The following GATAD2B variants were observed in gnomAD, a reference collection of about 807,000 sequenced individuals.
GATAD2B encodes the protein GATA zinc finger domain containing 2B, also known as transcriptional repressor p66-beta.
Under a neutral mutation model 64.3 loss-of-function variants are expected in GATAD2B, and 8 were observed. That is an observed-to-expected ratio of 0.12 (90% CI 0.07 to 0.22). The LOEUF is 0.22. Ranked by LOEUF, GATAD2B falls within the 10% of genes least tolerant of loss-of-function variation. The pLI, the probability that GATAD2B is intolerant of heterozygous loss-of-function variation, is 1.00. For missense variants in GATAD2B, 453 were observed against 752.0 expected, an observed-to-expected ratio of 0.60 and a Z score of 4.65; for synonymous variants, 281 against 271.3, an observed-to-expected ratio of 1.04 and a Z score of -0.35.
chr1:153,869,909 T>C (rs1676605908), intron 1 of GATAD2B, among the ~76,000 whole-genome samples: 1 of 152,080 alleles, frequency 6.6e-6, no homozygotes, highest in Admixed American at 6.6e-5. Context: ...GCAGATGCCT[T>C]GAGCCCAGGA....
In GATAD2B at chr1:153,805,127, T is replaced by G. The variant is rs1674073718; in HGVS notation, c.*5050A>C. 8.1e-6 allele frequency: 1 copy of G among 123,056 alleles called. No individual in the cohort carries two copies. Among genetic ancestry groups the G allele is most frequent in the Middle Eastern group, 4.2e-3 (1 of 238 alleles). The allele number at this position is 123,056 out of a possible 1,614,324, so 7.6% of individuals were successfully genotyped here. ...TTCACCAGGGCTTCACCCATCACCC[T>G]GTACCCTCTCCAGGCTTTATCAGCC... On this transcript the variant is annotated 3_prime_UTR_variant, in exon 11 of 11. Coordinates refer to ENST00000368655, the MANE Select transcript of GATAD2B (RefSeq NM_020699.4).
At chr1:153,860,769 T>C (rs1003054788) in intron 1 of GATAD2B, among the ~76,000 whole-genome samples, 6 of 152,162 alleles carry the variant, frequency 3.9e-5, no homozygotes, top group Non-Finnish European at 8.8e-5. Flanking sequence ...CAAGTGATCC[T>C]CTGGACTCAG....
chr1:153,856,948 G>A (rs1455843273), intron 1 of GATAD2B, among the ~76,000 whole-genome samples: 1 of 151,856 alleles, frequency 6.6e-6, no homozygotes, highest in Non-Finnish European at 1.5e-5. Context: ...CTTTTTGCAT[G>A]CAGATGATAG....
chr1:153,874,140 T>C (rs538350200), intron 1 of GATAD2B, among the ~76,000 whole-genome samples: 3 of 151,846 alleles, frequency 2.0e-5, no homozygotes, highest in Non-Finnish European at 2.9e-5. Flanking sequence ...CGTGTGCCTG[T>C]AGTCCCAGCT....
At chr1:153,869,533 C>A (rs1372298594) in intron 1 of GATAD2B, among the ~76,000 whole-genome samples, 3 of 152,094 alleles carry the variant, frequency 2.0e-5, no homozygotes, top group Non-Finnish European at 4.4e-5. Context: ...CTCCTTCAAG[C>A]TGGTTCTCTA....
intron 1 of GATAD2B, among the ~76,000 whole-genome samples, chr1:153,848,741 CAGG>C (rs990818349): frequency 2.6e-5 from 4 of 152,076 alleles, no homozygotes; most frequent in African/African-American, 9.7e-5. Flanking sequence ...ATCATGAGGT[CAGG>C]AGTTCAAGAA....
intron 1 of GATAD2B, among the ~76,000 whole-genome samples, chr1:153,857,929 C>T (rs1180675421): frequency 6.6e-6 from 1 of 152,166 alleles, no homozygotes; most frequent in Non-Finnish European, 1.5e-5. Flanking sequence ...TGAAATCATT[C>T]AGTTTTGAAG....
At chr1:153,890,145 C>T (rs1677326248) in intron 1 of GATAD2B, among the ~76,000 whole-genome samples, 1 of 144,790 alleles carries the variant, frequency 6.9e-6, no homozygotes, top group African/African-American at 2.6e-5. Context: ...GCACTCCAGC[C>T]TGGGCAACAA....
chr1:153,828,960 C>T (rs1355451167), intron 1 of GATAD2B, among the ~76,000 whole-genome samples: 2 of 152,150 alleles, frequency 1.3e-5, no homozygotes, highest in Non-Finnish European at 2.9e-5. Flanking sequence ...TTGTCAGCTC[C>T]TCCAGAGGCT....
intron 1 of GATAD2B, chr1:153,853,439 G>A (rs1259576718): frequency 1.8e-5 from 11 of 600,082 alleles, no homozygotes; most frequent in South Asian, 1.2e-4. Flanking sequence ...ATAAATCAAC[G>A]GACGGCAGTG....
chr1:153,882,053 G>A (rs1396939911), intron 1 of GATAD2B, among the ~76,000 whole-genome samples: 1 of 152,122 alleles, frequency 6.6e-6, no homozygotes, highest in Non-Finnish European at 1.5e-5. Flanking sequence ...GAGGGAGGGA[G>A]AGAAAAACCA....
rs182290558 is a variant in GATAD2B, at chr1:153,904,921, G to C, written c.-2+17812C>G. Among the ~76,000 whole-genome samples the C allele has an allele frequency of 1.5e-3, 235 of 152,230 alleles. 2 individuals are homozygous for C. The highest frequency in any genetic ancestry group is 5.4e-3 in the African/African-American group (226 of 41,520). The stretch of plus-strand genomic sequence containing the variant: ...GGGGTTTCATCATATTGGTCAGGCT[G>C]GTCTCGAACTCCTGACCTCAGGTGA... On this transcript the variant is annotated intron_variant, in intron 1 of 10. Transcript: ENST00000368655.
At chr1:153,824,977 T>G (rs948831209) in intron 2 of GATAD2B, among the ~76,000 whole-genome samples, 1 of 151,952 alleles carries the variant, frequency 6.6e-6, no homozygotes, top group African/African-American at 2.4e-5. Flanking sequence ...TCCCAGCTAC[T>G]TGGGTGGCTA....
At chr1:153,860,260 T>C (rs1475321489) in intron 1 of GATAD2B, among the ~76,000 whole-genome samples, 1 of 152,174 alleles carries the variant, frequency 6.6e-6, no homozygotes, top group Non-Finnish European at 1.5e-5. Flanking sequence ...GTCTTATTAC[T>C]GAATTACTTG....
At chr1:153,891,826 A>ATT in intron 1 of GATAD2B, among the ~76,000 whole-genome samples, 1 of 152,114 alleles carries the variant, frequency 6.6e-6, no homozygotes, top group East Asian at 1.9e-4. Flanking sequence ...GAATGGCTAG[A>ATT]TTTAACATAA....
intron 2 of GATAD2B, among the ~76,000 whole-genome samples, chr1:153,825,592 T>G (rs1199530860): frequency 6.6e-6 from 1 of 152,040 alleles, no homozygotes; most frequent in African/African-American, 2.4e-5. Flanking sequence ...CCTGGCTAAT[T>G]TTTTCATATT....
intron 1 of GATAD2B, among the ~76,000 whole-genome samples, chr1:153,866,275 A>T (rs78395343): frequency 1.3e-5 from 2 of 151,898 alleles, no homozygotes; most frequent in Non-Finnish European, 2.9e-5. Context: ...TGAGAATGTT[A>T]TAAGTATAGC....
intron 1 of GATAD2B, among the ~76,000 whole-genome samples, chr1:153,833,817 AAAAAAAAAAAAAAAG>A (rs1325670605): frequency 0.02 from 2,959 of 150,370 alleles, 110 homozygotes; most frequent in African/African-American, 0.069. Flanking sequence ...TCTCCAAAAA[AAAAAAAAAAAAAAAG>A]AAAAAAGAAA....
At chr1:153,922,584 T>G (rs1050882797) in intron 1 of GATAD2B, 149 bp downstream of exon 1, 1 of 147,668 alleles carries the variant, frequency 6.8e-6, no homozygotes, top group African/African-American at 2.5e-5. Context: ...GGGCGTCGGC[T>G]CGCGGGCGCT....
Sources: allele counts gnomAD v4.1 joint callset (sites outside exome capture counted in the v4.1 genomes callset), GRCh38; gene constraint gnomAD v4.1.1; transcripts MANE v1.5; gene names NCBI Gene and HGNC (gene_info 2026-07-23, HGNC 2026-07-21).